PIBF1: variants seen among roughly 807,000 people sequenced by gnomAD.
PIBF1 encodes progesterone immunomodulatory binding factor 1.
PIBF1 carries 90 observed loss-of-function variants against 112.5 expected under a neutral mutation model. The ratio of observed to expected loss-of-function variants is 0.80; its 90% CI spans 0.67 to 0.95. The LOEUF is 0.95. Among genes scored for constraint, PIBF1 ranks in the 40% least tolerant of loss-of-function variants. The probability of loss-of-function intolerance (pLI) is 0.00; values close to 1 mark genes in which losing one functional copy is unlikely to be tolerated. For missense variants in PIBF1, 915 were observed against 852.3 expected, an observed-to-expected ratio of 1.07 and a Z score of -0.92; for synonymous variants, 301 against 288.6, an observed-to-expected ratio of 1.04 and a Z score of -0.44.
intron 6 of PIBF1, 145 bp from the exon 7 acceptor site, chr13:72,826,865 G>C: frequency 2.3e-6 from 1 of 438,704 alleles, no homozygotes; most frequent in East Asian, 3.5e-5. Context: ...CTGAAAAGTA[G>C]GTACTTTATA....
intron 11 of PIBF1, among the ~76,000 whole-genome samples, chr13:72,902,940 G>A (rs2040554398): frequency 6.6e-6 from 1 of 150,814 alleles, no homozygotes; most frequent in Non-Finnish European, 1.5e-5. Context: ...CTGTCTCCCA[G>A]GCTGGAATGC....
rs1426522553 is a variant in PIBF1 at position 72,783,438 on chromosome 13, T to G, written c.-32T>G. 1.8e-5 allele frequency: 25 copies of G among 1,426,932 alleles called. No individual in the cohort carries two copies. Among genetic ancestry groups the G allele is most frequent in the Non-Finnish European group, 2.4e-5 (25 of 1,032,822 alleles). The allele number at this position is 1,426,932 out of a possible 1,614,324, so 88.4% of individuals were successfully genotyped here. A position where few individuals can be genotyped will look rare whatever the true frequency, so the allele number is the denominator to read the frequency against. ...TAACCTACAGAATATTAAAATCAAA[T>G]TAGAGAAGAAAACTGATCCATAATA... is the stretch of plus-strand genomic sequence containing the variant. On this transcript the variant is annotated 5_prime_UTR_variant, in exon 2 of 18. Coordinates refer to ENST00000326291, the MANE Select transcript of PIBF1 (RefSeq NM_006346.4).
intron 17 of PIBF1, among the ~76,000 whole-genome samples, chr13:73,013,398 C>T (rs569011327): frequency 6.6e-6 from 1 of 150,510 alleles, no homozygotes; most frequent in Admixed American, 6.6e-5. Context: ...GAATTTCCCC[C>T]AAACTAATGT....
intron 11 of PIBF1, among the ~76,000 whole-genome samples, chr13:72,895,334 A>C (rs1256551303): frequency 1.3e-5 from 2 of 149,410 alleles, no homozygotes; most frequent in Non-Finnish European, 3.0e-5. Flanking sequence ...TTAAAATAAT[A>C]TATATAATAT....
At position 73,009,352 on chromosome 13, in the gene PIBF1, G is replaced by C. The variant is rs80218795; in HGVS notation, c.2224-6517G>C. Among the ~76,000 whole-genome samples, 352 of 152,286 alleles carry C rather than the reference G, an allele frequency of 2.3e-3. 3 individuals are homozygous for C. The highest frequency in any genetic ancestry group is 3.7e-3 in the Non-Finnish European group (249 of 68,020). On this transcript the variant is annotated intron_variant, in intron 17 of 17. Coordinates refer to ENST00000326291, the MANE Select transcript of PIBF1 (RefSeq NM_006346.4). Reference sequence around the variant, plus strand: ...TTCTGTTATTAAGAAGGGTGAAATAGATATAGGCTAGACAGCCAGCAACCT... The same window carrying C: ...TTCTGTTATTAAGAAGGGTGAAATACATATAGGCTAGACAGCCAGCAACCT...
At chr13:73,002,251 C>G (rs2139036811) in intron 17 of PIBF1, among the ~76,000 whole-genome samples, 1 of 152,278 alleles carries the variant, frequency 6.6e-6, no homozygotes, top group Middle Eastern at 3.4e-3. Context: ...TGTTAAAACT[C>G]TAAACTGGGT....
intron 10 of PIBF1, among the ~76,000 whole-genome samples, chr13:72,887,902 C>A (rs1248000298): frequency 6.6e-6 from 1 of 151,998 alleles, no homozygotes; most frequent in African/African-American, 2.4e-5. Flanking sequence ...AGAAACACAT[C>A]AGAATATATG....
intron 17 of PIBF1, among the ~76,000 whole-genome samples, chr13:73,004,438 C>G (rs2043966657): frequency 6.6e-6 from 1 of 151,048 alleles, no homozygotes; most frequent in South Asian, 2.1e-4. Context: ...TTGCATTGAG[C>G]CGAGATTGTG....
intron 2 of PIBF1, among the ~76,000 whole-genome samples, chr13:72,789,253 C>A (rs1245350174): frequency 2.0e-5 from 3 of 152,118 alleles, no homozygotes; most frequent in Non-Finnish European, 4.4e-5. Flanking sequence ...GGCTTGATCA[C>A]AGCTCTCTGC....
At chr13:72,811,017 C>T (rs902019475) in intron 5 of PIBF1, among the ~76,000 whole-genome samples, 4 of 152,014 alleles carry the variant, frequency 2.6e-5, no homozygotes, top group African/African-American at 4.8e-5. Context: ...CTGCCACTCC[C>T]GGCTAATTTT....
rs1278954533 is a variant in PIBF1 at position 72,787,970 on chromosome 13, C to G, written c.252+4249C>G. Among the ~76,000 whole-genome samples the G allele has an allele frequency of 4.6e-5, 7 of 152,156 alleles. 1 individual carries two copies. The highest frequency in any genetic ancestry group is 3.3e-4 in the Admixed American group (5 of 15,282). ...CCCAGCCATGCCATACACTTTTTAG[C>G]CTGGGCAGGAAACTTAAAGCCTAGG... On this transcript the variant is annotated intron_variant, in intron 2 of 17. Coordinates refer to ENST00000326291, the MANE Select transcript of PIBF1 (RefSeq NM_006346.4).
At chr13:72,964,371 T>C (rs748109148) in intron 14 of PIBF1, among the ~76,000 whole-genome samples, 2 of 152,146 alleles carry the variant, frequency 1.3e-5, no homozygotes, top group Non-Finnish European at 2.9e-5. Flanking sequence ...GGTACAGAGT[T>C]TCCATATGGG....
At chr13:72,791,621 T>TA (rs1283322338) in intron 2 of PIBF1, among the ~76,000 whole-genome samples, 1 of 151,738 alleles carries the variant, frequency 6.6e-6, no homozygotes, top group Non-Finnish European at 1.5e-5. Context: ...CTGAAGAATG[T>TA]AAAACTAGGA....
At chr13:72,917,801 C>T (rs1264727305) in intron 13 of PIBF1, among the ~76,000 whole-genome samples, 1 of 152,126 alleles carries the variant, frequency 6.6e-6, no homozygotes, top group East Asian at 1.9e-4. Flanking sequence ...TTCCTTAATA[C>T]AGTTATTCAC....
At chr13:72,952,412 A>G (rs1410935431) in intron 14 of PIBF1, among the ~76,000 whole-genome samples, 1 of 151,780 alleles carries the variant, frequency 6.6e-6, no homozygotes, top group Non-Finnish European at 1.5e-5. Context: ...TGAGTAACTT[A>G]TTAGTCAGCC....
At chr13:72,872,582 G>C (rs189849977) in intron 10 of PIBF1, among the ~76,000 whole-genome samples, 1 of 152,224 alleles carries the variant, frequency 6.6e-6, no homozygotes, top group Admixed American at 6.5e-5. Flanking sequence ...GAGTAATATT[G>C]TGCTAAATGT....
At chr13:72,838,967 T>C (rs577493988) in intron 9 of PIBF1, among the ~76,000 whole-genome samples, 15 of 151,496 alleles carry the variant, frequency 9.9e-5, no homozygotes, top group African/African-American at 3.4e-4. Flanking sequence ...AGGCAGGGAG[T>C]TAAAAGAGAT....
intron 15 of PIBF1, among the ~76,000 whole-genome samples, chr13:72,967,234 T>C (rs1435800484): frequency 6.6e-6 from 1 of 152,120 alleles, no homozygotes; most frequent in Non-Finnish European, 1.5e-5. Flanking sequence ...ATGCCCGGCC[T>C]TAAAATTTGA....
At chr13:72,824,184 T>TTG (rs1488397914) in intron 6 of PIBF1, among the ~76,000 whole-genome samples, 2 of 150,704 alleles carry the variant, frequency 1.3e-5, no homozygotes, top group Non-Finnish European at 3.0e-5. Flanking sequence ...CAGCTAATTT[T>TTG]TTTTTTTTTT....
Sources: allele counts gnomAD v4.1 joint callset (sites outside exome capture counted in the v4.1 genomes callset), GRCh38; gene constraint gnomAD v4.1.1; transcripts MANE v1.5; gene names NCBI Gene and HGNC (gene_info 2026-07-23, HGNC 2026-07-21).